Variants in VPS4B observed in about 807,000 individuals in gnomAD.
The protein encoded by VPS4B is vacuolar protein sorting-associated protein 4B.
VPS4B carries 23 observed loss-of-function variants against 56.1 expected under a neutral mutation model. The observed-to-expected ratio is 0.41, with a 90% CI of 0.30 to 0.58. The LOEUF (loss-of-function observed/expected upper bound fraction) is 0.58, where lower values mean the gene tolerates loss of function less well. Ranked by LOEUF, VPS4B falls within the 20% of genes least tolerant of loss-of-function variation. The pLI is 0.29. For synonymous variants in VPS4B, 177 were observed against 186.0 expected, an observed-to-expected ratio of 0.95 and a Z score of 0.39; for missense variants, 372 against 531.9, an observed-to-expected ratio of 0.70 and a Z score of 2.96.
At chr18:63,395,012 G>A (rs1409129504) in intron 9 of VPS4B, among the ~76,000 whole-genome samples, 1 of 152,150 alleles carries the variant, frequency 6.6e-6, no homozygotes, top group Non-Finnish European at 1.5e-5. Flanking sequence ...AAAATAAACA[G>A]GGAATCTTCT....
intron 9 of VPS4B, among the ~76,000 whole-genome samples, chr18:63,395,164 C>T (rs1915642221): frequency 6.6e-6 from 1 of 152,190 alleles, no homozygotes; most frequent in African/African-American, 2.4e-5. Context: ...GACCTGGCTT[C>T]AGCGTCATGT....
rs571418636 is a variant in VPS4B at position 63,421,822 on chromosome 18, A to C, written c.27+411T>G. Among the ~76,000 whole-genome samples the C allele has an allele frequency of 3.3e-5, 5 of 152,338 alleles. No individual in the cohort carries two copies. The South Asian group carries it at 1.0e-3, about 32-fold the overall frequency. ...GTTCCCATATCTCTACTCACCTGAC[A>C]GCTCAGAATGAAGGGGTCTGCTGTC... On this transcript the variant is annotated intron_variant, in intron 1 of 10. Coordinates refer to ENST00000238497, the MANE Select transcript of VPS4B (RefSeq NM_004869.4).
At chr18:63,418,827 T>A (rs1212137736) in intron 1 of VPS4B, among the ~76,000 whole-genome samples, 1 of 152,200 alleles carries the variant, frequency 6.6e-6, no homozygotes, top group Non-Finnish European at 1.5e-5. Flanking sequence ...AGGATGTGAC[T>A]CTGTATGCCT....
At chr18:63,421,917 ATTACG>A (rs1916311008) in intron 1 of VPS4B, among the ~76,000 whole-genome samples, 2 of 152,186 alleles carry the variant, frequency 1.3e-5, no homozygotes, top group Non-Finnish European at 2.9e-5. Flanking sequence ...CTTTGCAAAA[ATTACG>A]TTCTTTCTTT....
intron 1 of VPS4B, chr18:63,415,486 A>G: frequency 3.3e-6 from 1 of 305,094 alleles, no homozygotes; most frequent in Non-Finnish European, 6.8e-6. Context: ...TCCTGGCATA[A>G]GCTTGGCAAT....
chr18:63,417,430 T>G (rs1916193485), intron 1 of VPS4B, among the ~76,000 whole-genome samples: 1 of 152,156 alleles, frequency 6.6e-6, no homozygotes, highest in South Asian at 2.1e-4. Context: ...TCCTCCTTCT[T>G]GGACACTGTC....
At position 63,422,152 on chromosome 18, in the gene VPS4B, C is replaced by T. The variant is rs550832571; in HGVS notation, c.27+81G>A. On this transcript the variant is annotated intron_variant, in intron 1 of 10. Transcript: ENST00000238497. Reference sequence around the variant, plus strand: ...CGACCACAGGCGCGGCCGCTTCCTCCCTTCTCCCCGCCCCCCACCCGCTTC... The same window carrying T: ...CGACCACAGGCGCGGCCGCTTCCTCTCTTCTCCCCGCCCCCCACCCGCTTC... 42 of 1,375,128 alleles carry T rather than the reference C, an allele frequency of 3.1e-5. No homozygotes were observed. In the South Asian group the frequency reaches 6.4e-4, roughly 21 times the overall value. 85.2% of individuals were successfully genotyped at this position (1,375,128 alleles called of 1,614,324 possible).
intron 1 of VPS4B, among the ~76,000 whole-genome samples, chr18:63,413,104 A>C (rs1325571311): frequency 6.6e-6 from 1 of 152,106 alleles, no homozygotes; most frequent in Non-Finnish European, 1.5e-5. Context: ...CTGCACAAAC[A>C]ACCACACCCA....
In VPS4B at chr18:63,393,409, C is replaced by A; in HGVS notation, c.1233G>T (p.Met411Ile). Reference protein sequence around the residue: ...GDKLLEPVVSMSDMLRSLSNT... With the variant: ...GDKLLEPVVSISDMLRSLSNT... The stretch of plus-strand genomic sequence containing the variant: ...CTTAAAAACAAACAAAATTTCAAAC[C>A]ATGGAAACAACTGGCTCCAAAAGTT... The change falls in exon 10 of 11, where the codon ATG (methionine) becomes ATT (isoleucine). Residue 411 changes from methionine to isoleucine, a missense_variant and splice_region_variant. By Grantham distance (10) the Met-to-Ile change is conservative (BLOSUM62 1). Transcript: ENST00000238497. 1 of 1,582,156 alleles carries A rather than the reference C, an allele frequency of 6.3e-7. No homozygotes were observed. The highest frequency in any genetic ancestry group is 1.2e-5 in the South Asian group (1 of 84,702).
At chr18:63,403,086 G>A (rs1383806973) in intron 5 of VPS4B, among the ~76,000 whole-genome samples, 1 of 152,220 alleles carries the variant, frequency 6.6e-6, no homozygotes, top group Non-Finnish European at 1.5e-5. Flanking sequence ...TGGTAGGTCA[G>A]CAATATTCTC....
chr18:63,410,152 A>C, intron 3 of VPS4B, 138 bp downstream of exon 3: 1 of 1,126,840 alleles, frequency 8.9e-7, no homozygotes, highest in South Asian at 1.5e-5. Flanking sequence ...GTGTTCTGAT[A>C]AAGCTTATTC....
chr18:63,393,869 T>C (rs1340637335), intron 9 of VPS4B, among the ~76,000 whole-genome samples: 2 of 152,036 alleles, frequency 1.3e-5, no homozygotes, highest in Admixed American at 6.6e-5. Context: ...CCCGAGTAGC[T>C]AGGATTACAG....
chr18:63,400,452 T>C (rs1330093178), intron 6 of VPS4B, 95 bp downstream of exon 6: 1 of 1,337,124 alleles, frequency 7.5e-7, no homozygotes, highest in African/African-American at 1.5e-5. Flanking sequence ...ACATGACTTC[T>C]CTGAATATCT....
At chr18:63,391,456 T>A (rs1444693032) in intron 10 of VPS4B, among the ~76,000 whole-genome samples, 1 of 152,214 alleles carries the variant, frequency 6.6e-6, no homozygotes, top group South Asian at 2.1e-4. Context: ...CTCGAACCCC[T>A]GACCTCAGGT....
intron 1 of VPS4B, among the ~76,000 whole-genome samples, chr18:63,413,095 T>C (rs1419807352): frequency 6.6e-6 from 1 of 152,088 alleles, no homozygotes; most frequent in Admixed American, 6.6e-5. Context: ...GTGATAAAAC[T>C]GCACAAACAA....
At chr18:63,422,047 G>T (rs540420319) in intron 1 of VPS4B, among the ~76,000 whole-genome samples, 186 bp downstream of exon 1, 1 of 152,158 alleles carries the variant, frequency 6.6e-6, no homozygotes, top group Non-Finnish European at 1.5e-5. Flanking sequence ...CCCCAAGAGC[G>T]GGCCAGAAAC....
At chr18:63,408,174 G>A (rs369542725) in intron 3 of VPS4B, among the ~76,000 whole-genome samples, 42 of 152,280 alleles carry the variant, frequency 2.8e-4, no homozygotes, top group African/African-American at 8.4e-4. Flanking sequence ...AGGATACATT[G>A]CAACATTTAA....
At chr18:63,391,230 C>CTTTT (rs11425099) in intron 10 of VPS4B, among the ~76,000 whole-genome samples, 154 bp from the exon 11 acceptor site, 1 of 141,552 alleles carries the variant, frequency 7.1e-6, no homozygotes, top group Admixed American at 7.1e-5. Context: ...ACTCCCTATT[C>CTTTT]TTTTTTTTTT....
At chr18:63,407,885 C>T (rs1216866443) in intron 3 of VPS4B, among the ~76,000 whole-genome samples, 1 of 152,086 alleles carries the variant, frequency 6.6e-6, no homozygotes, top group Non-Finnish European at 1.5e-5. Flanking sequence ...TAAATTAGAA[C>T]AAGAGGTCAT....
Sources: gnomAD v4.1 joint callset for allele counts (sites outside exome capture counted in the v4.1 genomes callset) on GRCh38, gnomAD v4.1.1 for gene constraint, MANE v1.5 for transcripts, NCBI Gene and HGNC (gene_info 2026-07-23, HGNC 2026-07-21) for gene names.